Variants in CRB1 observed in about 807,000 individuals in gnomAD.
The protein encoded by CRB1 is crumbs cell polarity complex component 1.
Under a neutral mutation model 120.0 loss-of-function variants are expected in CRB1, and 83 were observed. The ratio of observed to expected loss-of-function variants is 0.69; its 90% CI spans 0.58 to 0.83. The LOEUF is 0.83. Among genes scored for constraint, CRB1 ranks in the 40% least tolerant of loss-of-function variants. The pLI is 0.00. For missense variants in CRB1, 1,699 were observed against 1,687.6 expected (o/e 1.01, Z -0.12); for synonymous variants, 625 against 612.5 (o/e 1.02, Z -0.30).
chr1:197,406,243 C>A (rs948787535), intron 5 of CRB1, among the ~76,000 whole-genome samples: 2 of 152,322 alleles, frequency 1.3e-5, no homozygotes, highest in South Asian at 4.1e-4. Context: ...AAAAATTCTT[C>A]TGCCTTGGGA....
intron 2 of CRB1, among the ~76,000 whole-genome samples, chr1:197,335,038 T>G (rs745877891): frequency 6.6e-6 from 1 of 152,142 alleles, no homozygotes; most frequent in Non-Finnish European, 1.5e-5. Context: ...GAAGGTGACA[T>G]GTGAATAAAG....
At chr1:197,225,727 A>T in the CRB1 span, among the ~76,000 whole-genome samples, 2 of 152,196 alleles carry the variant, frequency 1.3e-5, no homozygotes, top group Non-Finnish European at 2.9e-5. Flanking sequence ...TTGGGGCAGG[A>T]TAACAGAATG....
intron 6 of CRB1, chr1:197,422,939 CA>C (rs1664409053): frequency 6.6e-6 from 1 of 152,128 alleles, no homozygotes. Flanking sequence ...AGAAACTACT[CA>C]AGGGTTTCCC....
At chr1:197,223,095 C>T in the CRB1 span, 13 of 802,562 alleles carry the variant, frequency 1.6e-5, no homozygotes, top group South Asian at 9.4e-5. Context: ...TATAACCTTG[C>T]GTATAATTTT....
chr1:197,438,307 A>G (rs1319444615), intron 9 of CRB1, among the ~76,000 whole-genome samples: 1 of 152,162 alleles, frequency 6.6e-6, no homozygotes, highest in Non-Finnish European at 1.5e-5. Flanking sequence ...TTATCTCACA[A>G]ACGAAAACTG....
the CRB1 span, among the ~76,000 whole-genome samples, chr1:197,235,828 T>G: frequency 6.6e-6 from 1 of 152,230 alleles, no homozygotes. Flanking sequence ...AAAACCTATA[T>G]GATCCAAGGA....
At chr1:197,444,525 C>T (rs1665607945) in intron 11 of CRB1, 1 of 152,166 alleles carries the variant, frequency 6.6e-6, no homozygotes, top group South Asian at 2.1e-4. Flanking sequence ...CATTTACTCC[C>T]TTCTAGACAT....
chr1:197,343,933 C>A (rs989184425), intron 2 of CRB1, among the ~76,000 whole-genome samples: 1 of 152,184 alleles, frequency 6.6e-6, no homozygotes, highest in Admixed American at 6.5e-5. Context: ...TGCTCCTTTA[C>A]TAAATTAAGT....
intron 6 of CRB1, among the ~76,000 whole-genome samples, 184 bp downstream of exon 6, chr1:197,422,140 G>A (rs144362576): frequency 6.6e-6 from 1 of 152,238 alleles, no homozygotes; most frequent in East Asian, 1.9e-4. Context: ...TTAATTTTGA[G>A]TGGATTCATA....
chr1:197,222,915 G>C, the CRB1 span: 1 of 1,105,538 alleles, frequency 9.0e-7, no homozygotes, highest in Non-Finnish European at 1.4e-6. Context: ...ATTCATAGTT[G>C]CTTCTAAAAT....
intron 5 of CRB1, among the ~76,000 whole-genome samples, chr1:197,411,869 C>T (rs1027799362): frequency 1.3e-5 from 2 of 152,102 alleles, no homozygotes; most frequent in African/African-American, 2.4e-5. Flanking sequence ...TTTCATCACC[C>T]AGATGTTAAG....
chr1:197,435,717 G>A, intron 9 of CRB1, 105 bp downstream of exon 9: 1 of 1,006,452 alleles, frequency 9.9e-7, no homozygotes, highest in South Asian at 1.4e-5. Context: ...TATATACTGT[G>A]CTGAACAGGG....
intron 2 of CRB1, among the ~76,000 whole-genome samples, chr1:197,339,142 A>G (rs546286393): frequency 6.6e-6 from 1 of 152,390 alleles, no homozygotes; most frequent in South Asian, 2.1e-4. Flanking sequence ...CTAAAACGCC[A>G]AAGATGTTCC....
the CRB1 span, among the ~76,000 whole-genome samples, chr1:197,202,028 T>C: frequency 1.1e-4 from 16 of 152,284 alleles, no homozygotes; most frequent in Non-Finnish European, 1.3e-4. Context: ...TGATATCATT[T>C]ATCTGCGGAC....
chr1:197,273,880 C>T (rs1440486362), intron 1 of CRB1, among the ~76,000 whole-genome samples: 1 of 151,890 alleles, frequency 6.6e-6, no homozygotes, highest in Non-Finnish European at 1.5e-5. Context: ...CTCCAAGGAG[C>T]TCTGTTTCCT....
intron 5 of CRB1, among the ~76,000 whole-genome samples, chr1:197,369,176 C>A (rs1661236326): frequency 6.6e-6 from 1 of 152,010 alleles, no homozygotes; most frequent in Non-Finnish European, 1.5e-5. Context: ...TACCCAAGAT[C>A]CCAAAATGTT....
At chr1:197,242,870 G>A in the CRB1 span, among the ~76,000 whole-genome samples, 120 of 151,918 alleles carry the variant, frequency 7.9e-4, 1 homozygote, top group South Asian at 1.0e-3. Flanking sequence ...TGGTCTATTC[G>A]GGGATTCAAC....
At chr1:197,374,400 T>G (rs944894008) in intron 5 of CRB1, among the ~76,000 whole-genome samples, 2 of 152,240 alleles carry the variant, frequency 1.3e-5, no homozygotes, top group South Asian at 4.1e-4. Context: ...ATGTATATCC[T>G]GATATCTGAT....
At chr1:197,239,116 A>G in the CRB1 span, among the ~76,000 whole-genome samples, 1 of 152,042 alleles carries the variant, frequency 6.6e-6, no homozygotes, top group African/African-American at 2.4e-5. Context: ...AAATTTATTA[A>G]GTTTTTTTAT....
Sources: gnomAD v4.1 joint callset for allele counts (sites outside exome capture counted in the v4.1 genomes callset) on GRCh38, gnomAD v4.1.1 for gene constraint, MANE v1.5 for transcripts, NCBI Gene and HGNC (gene_info 2026-07-23, HGNC 2026-07-21) for gene names.